Variants in RGS6 observed in about 807,000 individuals in gnomAD.
RGS6 encodes the protein regulator of G-protein signaling 6.
In RGS6, 30 loss-of-function variants were observed where a neutral mutation model predicts 78.5. That is an observed-to-expected ratio of 0.38 (90% CI 0.29 to 0.52). The LOEUF is 0.52. RGS6 is among the 20% of genes least tolerant of loss of function. The pLI, the probability that RGS6 is intolerant of heterozygous loss-of-function variation, is 0.85. For synonymous variants in RGS6, 206 were observed against 206.0 expected, an observed-to-expected ratio of 1.00 and a Z score of 0.00; for missense variants, 495 against 609.7, an observed-to-expected ratio of 0.81 and a Z score of 1.98.
At chr14:72,371,632 A>T (rs972635027) in intron 3 of RGS6, among the ~76,000 whole-genome samples, 3 of 152,184 alleles carry the variant, frequency 2.0e-5, no homozygotes, top group Non-Finnish European at 4.4e-5. Flanking sequence ...ATGGTGGCGC[A>T]TGCCTGTAAT....
At chr14:72,486,242 A>T (rs150572252) in intron 12 of RGS6, among the ~76,000 whole-genome samples, 3,957 of 152,210 alleles carry the variant, frequency 0.026, 105 homozygotes, top group East Asian at 0.091. Context: ...TCTTTCCTTT[A>T]TAAATTAGCC....
At chr14:72,206,481 TCACACACACA>T in intron 2 of RGS6, among the ~76,000 whole-genome samples, 1 of 151,840 alleles carries the variant, frequency 6.6e-6, no homozygotes, top group East Asian at 1.9e-4. Context: ...TGTGTGTGTG[TCACACACACA>T]CAGCATGTTT....
At chr14:72,007,010 TC>T (rs1363479124) in intron 2 of RGS6, among the ~76,000 whole-genome samples, 1 of 151,416 alleles carries the variant, frequency 6.6e-6, no homozygotes, top group African/African-American at 2.4e-5. Context: ...AAACAGAGAA[TC>T]TTTGTTACGT....
At chr14:72,189,322 G>A (rs577033982) in intron 2 of RGS6, among the ~76,000 whole-genome samples, 1 of 152,210 alleles carries the variant, frequency 6.6e-6, no homozygotes, top group South Asian at 2.1e-4. Flanking sequence ...TGTCCTGGTT[G>A]GCAGTAACAT....
At chr14:72,153,467 T>C (rs796617028) in intron 2 of RGS6, among the ~76,000 whole-genome samples, 12 of 152,350 alleles carry the variant, frequency 7.9e-5, no homozygotes, top group African/African-American at 2.2e-4. Flanking sequence ...AGTTAACTTA[T>C]CAGTGAGATC....
At chr14:72,384,807 G>A (rs8017123) in intron 3 of RGS6, among the ~76,000 whole-genome samples, 77,372 of 151,908 alleles carry the variant, frequency 0.51, 21,305 homozygotes, top group African/African-American at 0.72. Context: ...CTGGAGTGCA[G>A]TGGTGCAATC....
chr14:72,498,244 T>A (rs1034391317), intron 13 of RGS6, among the ~76,000 whole-genome samples: 6 of 152,248 alleles, frequency 3.9e-5, no homozygotes, highest in African/African-American at 1.2e-4. Flanking sequence ...TTTCATAGTT[T>A]ATATTTTTTC....
At chr14:71,951,137 G>A (rs780790797) in intron 1 of RGS6, among the ~76,000 whole-genome samples, 1 of 152,078 alleles carries the variant, frequency 6.6e-6, no homozygotes, top group Non-Finnish European at 1.5e-5. Context: ...TTTCATGATA[G>A]CAAATACATG....
chr14:72,254,822 C>T (rs920021356), intron 2 of RGS6, among the ~76,000 whole-genome samples: 13 of 152,180 alleles, frequency 8.5e-5, no homozygotes, highest in Non-Finnish European at 1.8e-4. Context: ...CTCAGGGGCT[C>T]AGGCTCATTA....
At chr14:71,934,340 G>A (rs1290020371) in intron 1 of RGS6, among the ~76,000 whole-genome samples, 1 of 152,172 alleles carries the variant, frequency 6.6e-6, no homozygotes, top group Non-Finnish European at 1.5e-5. Context: ...ATCCTTTCCT[G>A]AAAGAGTCTG....
At chr14:72,560,935 A>G (rs1416080730) in intron 17 of RGS6, among the ~76,000 whole-genome samples, 1 of 152,002 alleles carries the variant, frequency 6.6e-6, no homozygotes, top group Non-Finnish European at 1.5e-5. Context: ...AGGTAGGGAA[A>G]GGCAGACTTT....
the RGS6 span, among the ~76,000 whole-genome samples, chr14:71,886,085 G>A: frequency 2.0e-5 from 3 of 151,444 alleles, no homozygotes; most frequent in Non-Finnish European, 4.4e-5. Flanking sequence ...AAGGGAAATT[G>A]ATCATATCAT....
chr14:72,602,258 C>A, the RGS6 span, among the ~76,000 whole-genome samples: 2 of 152,124 alleles, frequency 1.3e-5, no homozygotes, highest in Non-Finnish European at 2.9e-5. Context: ...AACTTGTTAA[C>A]CTTTTATTCT....
At chr14:72,415,678 C>G (rs1356712113) in intron 3 of RGS6, among the ~76,000 whole-genome samples, 1 of 152,170 alleles carries the variant, frequency 6.6e-6, no homozygotes, top group Non-Finnish European at 1.5e-5. Flanking sequence ...GCCATCTTGG[C>G]TCCACCCCCC....
intron 1 of RGS6, among the ~76,000 whole-genome samples, chr14:71,936,501 C>T (rs1442044571): frequency 6.6e-6 from 1 of 152,116 alleles, no homozygotes; most frequent in Admixed American, 6.5e-5. Context: ...AGGTGACACT[C>T]AGTATTAACC....
At chr14:72,077,869 T>A (rs1467295490) in intron 2 of RGS6, among the ~76,000 whole-genome samples, 4 of 152,258 alleles carry the variant, frequency 2.6e-5, no homozygotes, top group East Asian at 1.9e-4. Context: ...AAGTATTATA[T>A]CTTCTAATTT....
intron 2 of RGS6, among the ~76,000 whole-genome samples, chr14:71,988,216 G>A (rs60545259): frequency 0.08 from 12,141 of 152,164 alleles, 650 homozygotes; most frequent in East Asian, 0.21. Flanking sequence ...GCGAGCAGGG[G>A]GTGAGCATTT....
At chr14:72,346,529 A>T (rs2078092531) in intron 2 of RGS6, among the ~76,000 whole-genome samples, 1 of 152,202 alleles carries the variant, frequency 6.6e-6, no homozygotes, top group East Asian at 1.9e-4. Flanking sequence ...TTCTGTGAGA[A>T]TCCACCTGGT....
intron 3 of RGS6, among the ~76,000 whole-genome samples, chr14:72,377,153 G>A (rs1027284773): frequency 6.6e-6 from 1 of 152,044 alleles, no homozygotes; most frequent in Non-Finnish European, 1.5e-5. Context: ...CAGCCCACAA[G>A]AAACTCATCT....
Sources: allele counts gnomAD v4.1 joint callset (sites outside exome capture counted in the v4.1 genomes callset), GRCh38; gene constraint gnomAD v4.1.1; transcripts MANE v1.5; gene names NCBI Gene and HGNC (gene_info 2026-07-23, HGNC 2026-07-21).